The following NHERF1 variants were observed in gnomAD, a reference collection of about 807,000 sequenced individuals.
NHERF1 encodes the protein Na(+)/H(+) exchange regulatory cofactor NHE-RF1.
chr17:74,759,868 T>G, the NHERF1 span, among the ~76,000 whole-genome samples: 1 of 152,140 alleles, frequency 6.6e-6, no homozygotes, highest in African/African-American at 2.4e-5. Flanking sequence ...TGTCAGGCAG[T>G]GGGCTCCACA....
At chr17:74,749,282 G>A in the NHERF1 span, 1 of 1,528,932 alleles carries the variant, frequency 6.5e-7, no homozygotes, top group Non-Finnish European at 8.7e-7. The surrounding 1 kb of genome is among the most constrained non-coding windows in gnomAD (Gnocchi z 5.6). Flanking sequence ...GAGCCACCCG[G>A]AGCAGGTAAG....
the NHERF1 span, among the ~76,000 whole-genome samples, chr17:74,767,313 CCT>C: frequency 0.057 from 8,645 of 152,290 alleles, 292 homozygotes; most frequent in African/African-American, 0.11. Context: ...CAGCCGGGCC[CCT>C]GCTACTTCTA....
the NHERF1 span, among the ~76,000 whole-genome samples, chr17:74,760,222 G>A: frequency 1.5e-4 from 23 of 151,828 alleles, no homozygotes; most frequent in East Asian, 2.5e-3. The surrounding 1 kb of genome is among the most constrained non-coding windows in gnomAD (Gnocchi z 4.5). Flanking sequence ...TGGGAGTGCC[G>A]GGGGGTGAGC....
chr17:74,768,247 C>T, the NHERF1 span: 14 of 1,602,902 alleles, frequency 8.7e-6, no homozygotes, highest in Non-Finnish European at 1.2e-5. Context: ...GTAGGCCAGC[C>T]ATGCGGGGGG....
At chr17:74,761,113 C>G in the NHERF1 span, among the ~76,000 whole-genome samples, 1 of 152,198 alleles carries the variant, frequency 6.6e-6, no homozygotes, top group Non-Finnish European at 1.5e-5. This position sits in a 1 kb window ranked among gnomAD's most constrained non-coding sequence, Gnocchi z 4.3. Flanking sequence ...TTACTTTGGA[C>G]CAAGCATGTT....
At chr17:74,765,755 T>C in the NHERF1 span, among the ~76,000 whole-genome samples, 1 of 152,142 alleles carries the variant, frequency 6.6e-6, no homozygotes, top group African/African-American at 2.4e-5. Context: ...TTTCGCCATG[T>C]TGGCCAGGCT....
the NHERF1 span, chr17:74,762,028 G>A: frequency 3.5e-3 from 5,576 of 1,614,034 alleles, 20 homozygotes; most frequent in Non-Finnish European, 4.4e-3. This position sits in a 1 kb window ranked among gnomAD's most constrained non-coding sequence, Gnocchi z 4.2. Flanking sequence ...CTTCGGCCTC[G>A]GCTCTGTACC....
the NHERF1 span, chr17:74,749,062 C>G: frequency 1.3e-6 from 2 of 1,595,686 alleles, no homozygotes; most frequent in Middle Eastern, 1.7e-4. The surrounding 1 kb of genome is among the most constrained non-coding windows in gnomAD (Gnocchi z 5.6). Flanking sequence ...AGGAGACCCA[C>G]CAGCAGGTGG....
chr17:74,760,702 C>T, the NHERF1 span, among the ~76,000 whole-genome samples: 1 of 152,194 alleles, frequency 6.6e-6, no homozygotes, highest in African/African-American at 2.4e-5. The surrounding 1 kb of genome is among the most constrained non-coding windows in gnomAD (Gnocchi z 4.5). Flanking sequence ...TATGACTATT[C>T]ATTAGTATTC....
At chr17:74,752,709 G>T in the NHERF1 span, among the ~76,000 whole-genome samples, 1 of 152,176 alleles carries the variant, frequency 6.6e-6, no homozygotes, top group South Asian at 2.1e-4. Flanking sequence ...GCCCAGGCTG[G>T]TCTTGAACTC....
the NHERF1 span, chr17:74,768,536 CA>C: frequency 6.2e-7 from 1 of 1,614,162 alleles, no homozygotes. Context: ...CCTCCGACCC[CA>C]TCCTAGACTT....
chr17:74,751,040 C>G, the NHERF1 span, among the ~76,000 whole-genome samples: 3 of 152,182 alleles, frequency 2.0e-5, no homozygotes, highest in Admixed American at 6.5e-5. The surrounding 1 kb of genome is among the most constrained non-coding windows in gnomAD (Gnocchi z 4.3). Context: ...CCAGCCAAGT[C>G]CCAGGACTTC....
At chr17:74,764,139 C>T in the NHERF1 span, among the ~76,000 whole-genome samples, 1 of 152,246 alleles carries the variant, frequency 6.6e-6, no homozygotes, top group Non-Finnish European at 1.5e-5. This position sits in a 1 kb window ranked among gnomAD's most constrained non-coding sequence, Gnocchi z 4.9. Context: ...AGGGGTTAAG[C>T]ATGCTCTGCT....
chr17:74,767,393 C>T, the NHERF1 span, among the ~76,000 whole-genome samples: 3 of 152,146 alleles, frequency 2.0e-5, no homozygotes, highest in East Asian at 1.9e-4. Context: ...GGGTGAGGCC[C>T]GGGGAAGAGA....
At chr17:74,764,239 ACTTTGCAGTGGGTGGGGCCTC>A in the NHERF1 span, among the ~76,000 whole-genome samples, 2 of 152,136 alleles carry the variant, frequency 1.3e-5, no homozygotes, top group Non-Finnish European at 2.9e-5. This position sits in a 1 kb window ranked among gnomAD's most constrained non-coding sequence, Gnocchi z 4.9. Flanking sequence ...ACCTCTTGGG[ACTTTGCAGTGGGTGGGGCCTC>A]CTGGAGACTC....
the NHERF1 span, chr17:74,761,857 G>C: frequency 5.4e-5 from 39 of 722,808 alleles, no homozygotes; most frequent in East Asian, 7.3e-4. The surrounding 1 kb of genome is among the most constrained non-coding windows in gnomAD (Gnocchi z 4.3). Flanking sequence ...TTTGAGTCCT[G>C]GGCCAGAACC....
chr17:74,751,286 C>G, the NHERF1 span, among the ~76,000 whole-genome samples: 1 of 152,230 alleles, frequency 6.6e-6, no homozygotes, highest in Non-Finnish European at 1.5e-5. This position sits in a 1 kb window ranked among gnomAD's most constrained non-coding sequence, Gnocchi z 4.3. Flanking sequence ...CATACAGACA[C>G]CCATGTGGTT....
chr17:74,748,693 G>A, the NHERF1 span: 7 of 652,520 alleles, frequency 1.1e-5, no homozygotes, highest in Non-Finnish European at 1.8e-5. This position sits in a 1 kb window ranked among gnomAD's most constrained non-coding sequence, Gnocchi z 4.3. Flanking sequence ...CGCGGCGGCC[G>A]ACGGTTCCTG....
At chr17:74,766,657 TG>T in the NHERF1 span, among the ~76,000 whole-genome samples, 1 of 152,152 alleles carries the variant, frequency 6.6e-6, no homozygotes, top group African/African-American at 2.4e-5. Context: ...TGCTCACACC[TG>T]TAATCCCAAC....
Sources: gnomAD v4.1 joint callset for allele counts (sites outside exome capture counted in the v4.1 genomes callset) on GRCh38, gnomAD v4.1.1 for gene constraint, Gnocchi (gnomAD v3.1) non-coding constraint, MANE v1.5 for transcripts, NCBI Gene and HGNC (gene_info 2026-07-23, HGNC 2026-07-21) for gene names.